EMP1: variants seen among roughly 807,000 people sequenced by gnomAD.
EMP1 encodes tumor-associated membrane protein.
EMP1 carries 5 observed loss-of-function variants against 15.7 expected under a neutral mutation model. The ratio of observed to expected loss-of-function variants is 0.32; its 90% CI spans 0.17 to 0.67. The LOEUF (loss-of-function observed/expected upper bound fraction) is 0.67, where lower values mean the gene tolerates loss of function less well. Ranked by LOEUF, EMP1 falls within the 30% of genes least tolerant of loss-of-function variation. The pLI, the probability that EMP1 is intolerant of heterozygous loss-of-function variation, is 0.74. For synonymous variants in EMP1, 78 were observed against 76.7 expected (o/e 1.02, Z -0.09); for missense variants, 166 against 194.2 (o/e 0.85, Z 0.86).
intron 1 of EMP1, among the ~76,000 whole-genome samples, chr12:13,200,617 G>A (rs554387656): frequency 1.8e-4 from 28 of 152,306 alleles, no homozygotes; most frequent in East Asian, 3.9e-4. Context: ...ACATACACAC[G>A]TCCTGAGACT....
In EMP1 at chr12:13,211,421, T is replaced by C; in HGVS notation, c.-42-48T>C. On this transcript the variant is annotated intron_variant, in intron 1 of 4. Coordinates refer to ENST00000256951, the MANE Select transcript of EMP1 (RefSeq NM_001423.3). This position sits in a 1 kb window ranked among gnomAD's most constrained non-coding sequence, Gnocchi z 4.7. ...CACGTGTGGGAAAGCTGAGTCGTCT[T>C]ATTGAATCTGACAGTAACCGTTTTT... 1 of 1,340,886 alleles carries C rather than the reference T, an allele frequency of 7.5e-7. No homozygotes were observed. Among genetic ancestry groups the C allele is most frequent in the Non-Finnish European group, 1.1e-6 (1 of 941,454 alleles). 83.1% of individuals were successfully genotyped at this position (1,340,886 alleles called of 1,614,324 possible). A position where few individuals can be genotyped will look rare whatever the true frequency, so the allele number is the denominator to read the frequency against.
intron 1 of EMP1, among the ~76,000 whole-genome samples, chr12:13,197,805 TGAAAAAA>T (rs2121138847): frequency 6.6e-6 from 1 of 150,922 alleles, no homozygotes; most frequent in Non-Finnish European, 1.5e-5. Flanking sequence ...AGAAAAAAAA[TGAAAAAA>T]GAAAACTGTT....
In EMP1 at chr12:13,211,438, A is replaced by G; in HGVS notation, c.-42-31A>G. 1 of 1,509,662 alleles carries G rather than the reference A, an allele frequency of 6.6e-7. No homozygotes were observed. The highest frequency in any genetic ancestry group is 9.2e-7 in the Non-Finnish European group (1 of 1,091,410). 93.5% of individuals were successfully genotyped at this position (1,509,662 alleles called of 1,614,324 possible). ...AGTCGTCTTATTGAATCTGACAGTA[A>G]CCGTTTTTGTCCCTTTCTTTTTCTT... On this transcript the variant is annotated intron_variant, in intron 1 of 4. Transcript: ENST00000256951. The surrounding 1 kb of genome is among the most constrained non-coding windows in gnomAD (Gnocchi z 4.7).
At chr12:13,201,916 G>A (rs892294407) in intron 1 of EMP1, among the ~76,000 whole-genome samples, 2 of 151,856 alleles carry the variant, frequency 1.3e-5, no homozygotes, top group Non-Finnish European at 2.9e-5. Flanking sequence ...CAGCATGAAG[G>A]TGTGGTGTAC....
chr12:13,211,068 T>C lies in EMP1; in HGVS notation c.-42-401T>C, dbSNP rs1864160514. Among the ~76,000 whole-genome samples, 2 of 152,232 alleles carry C rather than the reference T, an allele frequency of 1.3e-5. No individual in the cohort carries two copies. The highest frequency in any genetic ancestry group is 4.1e-4 in the South Asian group (2 of 4,832). ...TTTCCTAGTGGAAAATGGACATTTATATGACATTGTTCAGAGACCTGGAAA... is the reference window on the plus strand; with the variant it reads ...TTTCCTAGTGGAAAATGGACATTTACATGACATTGTTCAGAGACCTGGAAA... On this transcript the variant is annotated intron_variant, in intron 1 of 4. Transcript: ENST00000256951. The surrounding 1 kb of genome is among the most constrained non-coding windows in gnomAD (Gnocchi z 4.7).
At chr12:13,212,133 G>C (rs1294098912) in intron 2 of EMP1, among the ~76,000 whole-genome samples, 1 of 152,154 alleles carries the variant, frequency 6.6e-6, no homozygotes, top group African/African-American at 2.4e-5. Flanking sequence ...TTCAAATTTT[G>C]AGCAAAGAGT....
chr12:13,200,598 C>G (rs1012357098), intron 1 of EMP1, among the ~76,000 whole-genome samples: 1 of 152,198 alleles, frequency 6.6e-6, no homozygotes, highest in Non-Finnish European at 1.5e-5. Context: ...TCTTCAGCAC[C>G]CAGCCCCGAC....
intron 4 of EMP1, chr12:13,214,042 A>G (rs890784702): frequency 1.4e-6 from 1 of 727,036 alleles, no homozygotes; most frequent in Admixed American, 2.0e-5. Context: ...GGTAGCTACC[A>G]AGTGGCAGTG....
At chr12:13,197,102 A>G (rs1054312133) in intron 1 of EMP1, among the ~76,000 whole-genome samples, 2 of 152,208 alleles carry the variant, frequency 1.3e-5, no homozygotes, top group Non-Finnish European at 2.9e-5. Context: ...GTCTGGGGAA[A>G]TCAATGGGAT....
In EMP1 at chr12:13,214,714, C is replaced by T. The variant is rs745516974; in HGVS notation, c.*23C>T. 6.4e-7 allele frequency: 1 copy of T among 1,553,942 alleles called. No individual in the cohort carries two copies. Among genetic ancestry groups the T allele is most frequent in the South Asian group, 1.1e-5 (1 of 89,992 alleles). On this transcript the variant is annotated 3_prime_UTR_variant, in exon 5 of 5. Coordinates refer to ENST00000256951, the MANE Select transcript of EMP1 (RefSeq NM_001423.3). ...TAAGGCCGGACGAGTTCATGGGGATCTGGGGGGTGGGGAGGAGGAAGCCGT... is the reference window on the plus strand; with the variant it reads ...TAAGGCCGGACGAGTTCATGGGGATTTGGGGGGTGGGGAGGAGGAAGCCGT...
intron 1 of EMP1, among the ~76,000 whole-genome samples, chr12:13,198,250 C>CTTTTTCTTT (rs1864031634): frequency 6.6e-6 from 1 of 152,072 alleles, no homozygotes; most frequent in South Asian, 2.1e-4. Context: ...AAGAAGGGTG[C>CTTTTTCTTT]TTTTTCTTTT....
At chr12:13,207,342 C>T (rs1269106307) in intron 1 of EMP1, among the ~76,000 whole-genome samples, 1 of 152,154 alleles carries the variant, frequency 6.6e-6, no homozygotes, top group African/African-American at 2.4e-5. Context: ...CGAACTCCCT[C>T]AGGGTTATTT....
At chr12:13,198,495 A>G (rs1267550218) in intron 1 of EMP1, among the ~76,000 whole-genome samples, 1 of 152,352 alleles carries the variant, frequency 6.6e-6, no homozygotes, top group African/African-American at 2.4e-5. Context: ...AACTGCCCCA[A>G]GGGGGACGAT....
chr12:13,213,785 C>T lies in EMP1; in HGVS notation c.280C>T (p.Arg94Trp), dbSNP rs374294823. 20 of 1,614,020 alleles carry T rather than the reference C, an allele frequency of 1.2e-5. No individual in the cohort carries two copies. Among genetic ancestry groups the T allele is most frequent in the African/African-American group, 4.0e-5 (3 of 74,932 alleles). Reference sequence around the variant, plus strand: ...GCTCTTCACCATGGAGAAGGGAAACCGGTTCTTCCTCTCAGGGGCCACCAC... The same window carrying T: ...GCTCTTCACCATGGAGAAGGGAAACTGGTTCTTCCTCTCAGGGGCCACCAC... Reference protein sequence around the residue: ...FQLFTMEKGNRFFLSGATTLV... With the variant: ...FQLFTMEKGNWFFLSGATTLV... Residue 94 changes from arginine to tryptophan, a missense_variant, in exon 4 of 5, where the codon CGG becomes TGG. Coordinates refer to ENST00000256951, the MANE Select transcript of EMP1 (RefSeq NM_001423.3).
At chr12:13,201,266 G>A (rs1864063924) in intron 1 of EMP1, among the ~76,000 whole-genome samples, 1 of 152,164 alleles carries the variant, frequency 6.6e-6, no homozygotes, top group East Asian at 1.9e-4. Flanking sequence ...AAAAAGCAGG[G>A]TGTGGTAGTG....
chr12:13,213,439 G>A (rs954630129), intron 2 of EMP1, 40 bp from the exon 3 acceptor site: 7 of 1,566,490 alleles, frequency 4.5e-6, no homozygotes, highest in Middle Eastern at 1.7e-4. Context: ...AAATCAGAGG[G>A]CCAGCTTTCA....
In EMP1 at chr12:13,213,518, C is replaced by A. The variant is rs1250731355; in HGVS notation, c.118C>A (p.Leu40Ile). 3 of 1,614,194 alleles carry A rather than the reference C, an allele frequency of 1.9e-6. No homozygotes were observed. The highest frequency in any genetic ancestry group is 1.6e-4 in the Middle Eastern group (1 of 6,062). The change falls in exon 3 of 5, where the codon CTT (leucine) becomes ATT (isoleucine). Residue 40 changes from leucine to isoleucine, a missense_variant. Physicochemically the swap from Leu to Ile is conservative, Grantham distance 5. Coordinates refer to ENST00000256951, the MANE Select transcript of EMP1 (RefSeq NM_001423.3). ...VSNTVDASVG[L>I]WKNCTNISCS... ...CAATACGGTAGATGCATCAGTAGGT[C>A]TTTGGAAAAACTGTACCAACATTAG...
At position 13,211,992 on chromosome 12, in the gene EMP1, T is replaced by C. The variant is rs950776902; in HGVS notation, c.78+404T>C. 14 of 185,054 alleles carry C rather than the reference T, an allele frequency of 7.6e-5. No homozygotes were observed. The highest frequency in any genetic ancestry group is 8.9e-5 in the Non-Finnish European group (8 of 89,432). The allele number at this position is 185,054 out of a possible 1,614,324, so 11.5% of individuals were successfully genotyped here. On this transcript the variant is annotated intron_variant, in intron 2 of 4. Coordinates refer to ENST00000256951, the MANE Select transcript of EMP1 (RefSeq NM_001423.3). The surrounding 1 kb of genome is among the most constrained non-coding windows in gnomAD (Gnocchi z 4.7). ...GTGGGAGTGCTAGCAAAGGAGCATATGTAGGAAGGACAAGCTTTGGTCAGA... is the reference window on the plus strand; with the variant it reads ...GTGGGAGTGCTAGCAAAGGAGCATACGTAGGAAGGACAAGCTTTGGTCAGA...
chr12:13,207,175 G>A (rs561606381), intron 1 of EMP1, among the ~76,000 whole-genome samples: 6 of 152,110 alleles, frequency 3.9e-5, no homozygotes, highest in South Asian at 2.1e-4. Flanking sequence ...GCAATGGAGC[G>A]ATCTTGGCTT....
Sources: allele counts gnomAD v4.1 joint callset (sites outside exome capture counted in the v4.1 genomes callset), GRCh38; gene constraint gnomAD v4.1.1; non-coding constraint Gnocchi (gnomAD v3.1); transcripts MANE v1.5; gene names NCBI Gene and HGNC (gene_info 2026-07-23, HGNC 2026-07-21).